The following PLEKHA1 variants were observed in gnomAD, a reference collection of about 807,000 sequenced individuals.
The protein encoded by PLEKHA1 is pleckstrin homology domain-containing family A member 1.
In PLEKHA1, 34 loss-of-function variants were observed where a neutral mutation model predicts 52.0. The ratio of observed to expected loss-of-function variants is 0.65; its 90% CI spans 0.50 to 0.87. The LOEUF is 0.87. PLEKHA1 is among the 40% of genes least tolerant of loss of function. PLEKHA1 has a pLI of 0.00. For synonymous variants in PLEKHA1, 163 were observed against 170.7 expected, an observed-to-expected ratio of 0.95 and a Z score of 0.35; for missense variants, 497 against 504.2, an observed-to-expected ratio of 0.99 and a Z score of 0.14.
chr10:122,414,621 A>G (rs1833498756), intron 6 of PLEKHA1, among the ~76,000 whole-genome samples: 1 of 152,186 alleles, frequency 6.6e-6, no homozygotes, highest in African/African-American at 2.4e-5. Context: ...AAGAAATCCA[A>G]TTAGAAAATT....
Position 122,424,384 on chromosome 10 carries a change from T to C in PLEKHA1, c.746+121T>C, listed in dbSNP as rs1233627466. 7.0e-6 allele frequency: 8 copies of C among 1,145,732 alleles called. No homozygotes were observed. In the Admixed American group the frequency reaches 1.9e-4, roughly 27 times the overall value. 71.0% of individuals were successfully genotyped at this position (1,145,732 alleles called of 1,614,324 possible). On this transcript the variant is annotated intron_variant, in intron 9 of 11. Transcript: ENST00000368990. ...ATTAATTGTAGTTATTTTTAACTCT[T>C]TATAGTTGAGATACACTAGAATTTT... is the stretch of plus-strand genomic sequence containing the variant.
At position 122,430,057 on chromosome 10, in the gene PLEKHA1, G is replaced by A; in HGVS notation, c.*119G>A. The A allele has an allele frequency of 9.1e-7, 1 of 1,093,456 alleles. No homozygotes were observed. Among genetic ancestry groups the A allele is most frequent in the Non-Finnish European group, 1.3e-6 (1 of 782,474 alleles). 67.7% of individuals were successfully genotyped at this position (1,093,456 alleles called of 1,614,324 possible). A position where few individuals can be genotyped will look rare whatever the true frequency, so the allele number is the denominator to read the frequency against. On this transcript the variant is annotated 3_prime_UTR_variant, in exon 12 of 12. Coordinates refer to ENST00000368990, the MANE Select transcript of PLEKHA1 (RefSeq NM_001001974.4). ...AGTGCGTATATTATACTGCCTCTTA[G>A]GTGTACTCTTTATAAGCTGGTAAAC...
At chr10:122,402,953 C>A (rs2096952006) in intron 4 of PLEKHA1, among the ~76,000 whole-genome samples, 1 of 152,188 alleles carries the variant, frequency 6.6e-6, no homozygotes, top group Non-Finnish European at 1.5e-5. Flanking sequence ...TCCATAGATA[C>A]TGACTGACAT....
At chr10:122,374,963 T>C (rs2096500202) in intron 1 of PLEKHA1, 157 bp downstream of exon 1, 1 of 152,004 alleles carries the variant, frequency 6.6e-6, no homozygotes, top group Non-Finnish European at 1.5e-5. Flanking sequence ...TGGGTGCTGG[T>C]GAGTGCGGAG....
intron 1 of PLEKHA1, among the ~76,000 whole-genome samples, chr10:122,389,876 A>G (rs1368422668): frequency 7.0e-6 from 1 of 142,240 alleles, no homozygotes; most frequent in Non-Finnish European, 1.6e-5. Flanking sequence ...TAAAGTCAGC[A>G]GCTACATTAG....
intron 1 of PLEKHA1, among the ~76,000 whole-genome samples, chr10:122,388,370 G>T (rs1232368658): frequency 1.3e-5 from 2 of 152,058 alleles, no homozygotes; most frequent in African/African-American, 2.4e-5. Flanking sequence ...ATATTCCATT[G>T]TATGCATATA....
In PLEKHA1 at chr10:122,382,017, C is replaced by T. The variant is rs1590223915; in HGVS notation, c.-21+7211C>T. ...TATATATAGGAAAGAGATCCACAGACCACCCTCTGGGATACTCCAACAATA... is the reference window on the plus strand; with the variant it reads ...TATATATAGGAAAGAGATCCACAGATCACCCTCTGGGATACTCCAACAATA... On this transcript the variant is annotated intron_variant, in intron 1 of 11. Coordinates refer to ENST00000368990, the MANE Select transcript of PLEKHA1 (RefSeq NM_001001974.4). 3.9e-5 allele frequency among the ~76,000 whole-genome samples: 6 copies of T among 152,222 alleles called. 1 individual carries two copies. In the South Asian group the frequency reaches 1.0e-3, roughly 26 times the overall value.
intron 4 of PLEKHA1, among the ~76,000 whole-genome samples, chr10:122,402,520 T>C (rs1310816127): frequency 1.3e-5 from 2 of 152,200 alleles, no homozygotes; most frequent in Non-Finnish European, 2.9e-5. Context: ...GTAGATAATT[T>C]AGCAGAGTGG....
Position 122,415,933 on chromosome 10 carries a change from C to A in PLEKHA1, c.543C>A (p.Tyr181Ter). 6.2e-7 allele frequency: 1 copy of A among 1,613,574 alleles called. No individual in the cohort carries two copies. Among genetic ancestry groups the A allele is most frequent in the Non-Finnish European group, 8.5e-7 (1 of 1,179,646 alleles). The change falls in exon 7 of 12, where the codon TAC (tyrosine) becomes TAA (stop). Residue 181 changes from tyrosine to a stop codon, truncating the protein, a stop_gained. Coordinates refer to ENST00000368990, the MANE Select transcript of PLEKHA1 (RefSeq NM_001001974.4). LOFTEE classifies it high-confidence loss of function. ...NLKRSQSHLP[Y>*]FTPKPPQDSA... ...AACGGTCACAAAGCCATCTTCCTTA[C>A]TTTACTCCTAAACCACCTCAAGATA...
intron 4 of PLEKHA1, among the ~76,000 whole-genome samples, chr10:122,406,367 A>G (rs1324007998): frequency 6.6e-6 from 1 of 152,216 alleles, no homozygotes; most frequent in Non-Finnish European, 1.5e-5. Flanking sequence ...ATTGTGGTGT[A>G]TCCATTTAAT....
At chr10:122,395,957 T>C (rs2096843800) in intron 2 of PLEKHA1, among the ~76,000 whole-genome samples, 1 of 152,184 alleles carries the variant, frequency 6.6e-6, no homozygotes, top group East Asian at 1.9e-4. Flanking sequence ...CCTTTTTTTC[T>C]TAAATGTTCT....
the PLEKHA1 span, chr10:122,441,809 T>C: frequency 6.6e-6 from 1 of 152,236 alleles, no homozygotes; most frequent in African/African-American, 2.4e-5. Context: ...CTCTGAGCTT[T>C]CTGGCAACTG....
In PLEKHA1 at chr10:122,425,311, A is replaced by C. The variant is rs79844126; in HGVS notation, c.810+352A>C. ...TTTGGTAACCTTATTAAAAAAACCC[A>C]TAGTAAAAGTAGACAGTAGATTTAT... is the stretch of plus-strand genomic sequence containing the variant. On this transcript the variant is annotated intron_variant, in intron 10 of 11. Transcript: ENST00000368990. 5.9e-3 allele frequency: 998 copies of C among 168,278 alleles called. 10 individuals carry two copies. Among genetic ancestry groups the C allele is most frequent in the African/African-American group, 0.021 (902 of 42,266 alleles). The allele number at this position is 168,278 out of a possible 1,614,324, so 10.4% of individuals were successfully genotyped here.
At chr10:122,412,406 A>G (rs1488434157) in intron 5 of PLEKHA1, 1 of 152,522 alleles carries the variant, frequency 6.6e-6, no homozygotes, top group Non-Finnish European at 1.5e-5. Flanking sequence ...TCTGTCTTGA[A>G]GCCAGGAAAG....
chr10:122,434,423 T>C (rs1298145112), downstream of PLEKHA1: 3 of 152,204 alleles, frequency 2.0e-5, no homozygotes, highest in Non-Finnish European at 4.4e-5. Flanking sequence ...GCGCCTGTCT[T>C]CAACTCTAGT....
At position 122,403,464 on chromosome 10, in the gene PLEKHA1, T is replaced by C. The variant is rs149810045; in HGVS notation, c.244+3076T>C. Reference sequence around the variant, plus strand: ...CTTCAAGTTTTATCCATTTTATGTATTCATTCTAATCATAAAGATTTGAAG... The same window carrying C: ...CTTCAAGTTTTATCCATTTTATGTACTCATTCTAATCATAAAGATTTGAAG... On this transcript the variant is annotated intron_variant, in intron 4 of 11. Coordinates refer to ENST00000368990, the MANE Select transcript of PLEKHA1 (RefSeq NM_001001974.4). Among the ~76,000 whole-genome samples the C allele has an allele frequency of 2.5e-3, 379 of 152,310 alleles. 1 individual carries two copies. The highest frequency in any genetic ancestry group is 8.7e-3 in the African/African-American group (362 of 41,564).
intron 1 of PLEKHA1, among the ~76,000 whole-genome samples, chr10:122,378,749 A>C (rs1280657766): frequency 6.6e-6 from 1 of 151,828 alleles, no homozygotes; most frequent in African/African-American, 2.4e-5. Context: ...CAAAAAAAAA[A>C]AAAAAACAGA....
Position 122,424,181 on chromosome 10 carries a change from T to TC in PLEKHA1, c.682-18_682-17insC, listed in dbSNP as rs200276579. On this transcript the variant is annotated splice_polypyrimidine_tract_variant and intron_variant, in intron 8 of 11. Coordinates refer to ENST00000368990, the MANE Select transcript of PLEKHA1 (RefSeq NM_001001974.4). ...AAACATCATGTAACTGTTTTTTTTT[T>TC]TTTTTTTTTTTTGCCAGGAAAAGGA... 2.7e-6 allele frequency: 4 copies of TC among 1,466,018 alleles called. No individual in the cohort carries two copies. Among genetic ancestry groups the TC allele is most frequent in the Admixed American group, 2.7e-5 (1 of 36,904 alleles). The allele number at this position is 1,466,018 out of a possible 1,614,324, so 90.8% of individuals were successfully genotyped here.
At chr10:122,416,330 T>C (rs1198628101) in intron 7 of PLEKHA1, among the ~76,000 whole-genome samples, 1 of 152,090 alleles carries the variant, frequency 6.6e-6, no homozygotes, top group Non-Finnish European at 1.5e-5. Context: ...AGAGAGCTGT[T>C]GTGGGGAGAT....
Sources: gnomAD v4.1 joint callset for allele counts (sites outside exome capture counted in the v4.1 genomes callset) on GRCh38, gnomAD v4.1.1 for gene constraint, MANE v1.5 for transcripts, NCBI Gene and HGNC (gene_info 2026-07-23, HGNC 2026-07-21) for gene names.